The following TMEM245 variants were observed in gnomAD, a reference collection of about 807,000 sequenced individuals.
TMEM245 encodes the protein protein CG-2.
In TMEM245, 69 loss-of-function variants were observed where a neutral mutation model predicts 101.2. The observed-to-expected ratio is 0.68, with a 90% CI of 0.56 to 0.83. The LOEUF is 0.83. TMEM245 is among the 40% of genes least tolerant of loss of function. The pLI is 0.00. For missense variants in TMEM245, 1,075 were observed against 1,092.8 expected, an observed-to-expected ratio of 0.98 and a Z score of 0.23; for synonymous variants, 537 against 449.8, an observed-to-expected ratio of 1.19 and a Z score of -2.45.
At chr9:109,024,845 A>G (rs17802292) in intron 17 of TMEM245, among the ~76,000 whole-genome samples, 22,660 of 152,258 alleles carry the variant, frequency 0.15, 1,902 homozygotes, top group African/African-American at 0.19. Flanking sequence ...GGGCAAATTA[A>G]TGTGTTAGCT....
In TMEM245 at chr9:109,057,349, A is replaced by T. The variant is rs201902789; in HGVS notation, c.1723-27T>A. 57 of 1,597,746 alleles carry T rather than the reference A, an allele frequency of 3.6e-5. No homozygotes were observed. The Admixed American group carries it at 5.7e-4, about 16-fold the overall frequency. ...TATGGAATAAAACAGTGCAGACATGAAATTCCCATCTTAATCTAAAGAACA... is the reference window on the plus strand; with the variant it reads ...TATGGAATAAAACAGTGCAGACATGTAATTCCCATCTTAATCTAAAGAACA... On this transcript the variant is annotated intron_variant, in intron 11 of 17. Coordinates refer to ENST00000374586, the MANE Select transcript of TMEM245 (RefSeq NM_032012.4).
intron 17 of TMEM245, among the ~76,000 whole-genome samples, chr9:109,031,364 A>G (rs1399666762): frequency 6.6e-6 from 1 of 152,256 alleles, no homozygotes; most frequent in Non-Finnish European, 1.5e-5. Context: ...AATATCTATT[A>G]GTCCTACAAT....
At chr9:109,025,175 T>C (rs1431471519) in intron 17 of TMEM245, among the ~76,000 whole-genome samples, 1 of 152,220 alleles carries the variant, frequency 6.6e-6, no homozygotes, top group Non-Finnish European at 1.5e-5. Flanking sequence ...CCAAGTGAAA[T>C]TCTTAGGGTT....
Position 109,053,989 on chromosome 9 carries a change from G to A in TMEM245, c.1854+3202C>T, listed in dbSNP as rs77631041. Among the ~76,000 whole-genome samples, 45 of 152,242 alleles carry A rather than the reference G, an allele frequency of 3.0e-4. No homozygotes were observed. In the East Asian group the frequency reaches 4.0e-3, roughly 14 times the overall value. ...CTTTAAAGGAAGGGACATGAGTCACGTGACCTCAAAACGCCATTTCAACAC... is the reference window on the plus strand; with the variant it reads ...CTTTAAAGGAAGGGACATGAGTCACATGACCTCAAAACGCCATTTCAACAC... On this transcript the variant is annotated intron_variant, in intron 12 of 17. Coordinates refer to ENST00000374586, the MANE Select transcript of TMEM245 (RefSeq NM_032012.4).
At chr9:109,038,396 C>T (rs556817826) in intron 14 of TMEM245, 12 of 231,200 alleles carry the variant, frequency 5.2e-5, no homozygotes, top group Non-Finnish European at 1.0e-4. Context: ...CCTTAAAATA[C>T]CCTATTCTCT....
Position 109,033,318 on chromosome 9 carries a change from A to G in TMEM245, c.2583T>C (p.Ala861=). ...VPTPNQTPWP[A]QPQRTFRDIS... is the part of the protein sequence containing the mutation. ...CTGCTTTAACTCACCGCTGAGGCTG[A>G]GCAGGCCATGGGGTCTGGTTTGGCG... Residue 861 remains alanine, a synonymous_variant, in exon 17 of 18, where the codon GCT becomes GCC. Coordinates refer to ENST00000374586, the MANE Select transcript of TMEM245 (RefSeq NM_032012.4). The G allele has an allele frequency of 6.2e-7, 1 of 1,609,210 alleles. No homozygotes were observed. The highest frequency in any genetic ancestry group is 1.1e-5 in the South Asian group (1 of 90,128).
chr9:109,107,798 C>A (rs1422475139), intron 2 of TMEM245, among the ~76,000 whole-genome samples: 1 of 152,096 alleles, frequency 6.6e-6, no homozygotes, highest in Non-Finnish European at 1.5e-5. Flanking sequence ...ACCATAAGTA[C>A]CACGCTGAAA....
intron 9 of TMEM245, among the ~76,000 whole-genome samples, chr9:109,067,567 G>C (rs1427760515): frequency 6.6e-6 from 1 of 152,158 alleles, no homozygotes. Flanking sequence ...GTAAGCGAAG[G>C]GATAAGTGCA....
chr9:109,069,813 A>T (rs1015170173), intron 9 of TMEM245, among the ~76,000 whole-genome samples: 1 of 152,236 alleles, frequency 6.6e-6, no homozygotes, highest in Non-Finnish European at 1.5e-5. Flanking sequence ...CAAACTTGGG[A>T]AAGAGCAGTC....
chr9:109,044,918 C>T (rs1828437654), intron 14 of TMEM245, among the ~76,000 whole-genome samples: 1 of 151,996 alleles, frequency 6.6e-6, no homozygotes, highest in African/African-American at 2.4e-5. Context: ...TGCCACCAAG[C>T]CCAGCTAATT....
At position 109,017,696 on chromosome 9, in the gene TMEM245, C is replaced by G. The variant is rs1564161972; in HGVS notation, c.*2764G>C. On this transcript the variant is annotated 3_prime_UTR_variant, in exon 18 of 18. Coordinates refer to ENST00000374586, the MANE Select transcript of TMEM245 (RefSeq NM_032012.4). ...GACTTCTACTTCATCAACGTACGGT[C>G]TGTTCCTGAAGAAACTTCCTCTTTC... is the stretch of plus-strand genomic sequence containing the variant. The G allele has an allele frequency of 6.6e-6, 1 of 152,228 alleles. No homozygotes were observed. Among genetic ancestry groups the G allele is most frequent in the Non-Finnish European group, 1.5e-5 (1 of 68,044 alleles). 9.4% of individuals were successfully genotyped at this position (152,228 alleles called of 1,614,324 possible).
At chr9:109,116,718 G>A (rs1228771129) in intron 1 of TMEM245, among the ~76,000 whole-genome samples, 1 of 151,554 alleles carries the variant, frequency 6.6e-6, no homozygotes, top group African/African-American at 2.4e-5. Flanking sequence ...AGTAGAGACG[G>A]GGTTTTACCA....
intron 7 of TMEM245, among the ~76,000 whole-genome samples, chr9:109,083,642 G>A (rs1254273175): frequency 6.6e-6 from 1 of 151,978 alleles, no homozygotes; most frequent in Non-Finnish European, 1.5e-5. Flanking sequence ...AAGCTATTAA[G>A]AAAGTATTCC....
At chr9:109,049,612 A>AG (rs1322184813) in intron 14 of TMEM245, among the ~76,000 whole-genome samples, 3 of 152,142 alleles carry the variant, frequency 2.0e-5, no homozygotes, top group African/African-American at 7.2e-5. Context: ...AGATCACTTA[A>AG]GGTTAGGAGT....
chr9:109,117,498 T>C (rs1395455029), intron 1 of TMEM245, among the ~76,000 whole-genome samples: 1 of 152,212 alleles, frequency 6.6e-6, no homozygotes, highest in Non-Finnish European at 1.5e-5. Flanking sequence ...TGGCCCCTAC[T>C]TCTCTTCCAC....
rs547531889 is a variant in TMEM245, at chr9:109,015,732, AG to A, written c.*4727del. On this transcript the variant is annotated 3_prime_UTR_variant, in exon 18 of 18. Coordinates refer to ENST00000374586, the MANE Select transcript of TMEM245 (RefSeq NM_032012.4). ...ACCAAAAACTTTTCAGAGCCTCCAGAGCCCCCCCATCTGTACAATAAGGATA... is the reference window on the plus strand; with the variant it reads ...ACCAAAAACTTTTCAGAGCCTCCAGACCCCCCCATCTGTACAATAAGGATA... 9.8e-4 allele frequency: 149 copies of A among 152,728 alleles called. No homozygotes were observed. Among genetic ancestry groups the A allele is most frequent in the African/African-American group, 3.4e-3 (141 of 41,566 alleles). The allele number at this position is 152,728 out of a possible 1,614,324, so 9.5% of individuals were successfully genotyped here. A position where few individuals can be genotyped will look rare whatever the true frequency, so the allele number is the denominator to read the frequency against.
chr9:109,025,640 C>T (rs1827770092), intron 17 of TMEM245, among the ~76,000 whole-genome samples: 1 of 152,190 alleles, frequency 6.6e-6, no homozygotes, highest in South Asian at 2.1e-4. Context: ...TATTCAGAGA[C>T]TGCTGCTCAA....
intron 3 of TMEM245, among the ~76,000 whole-genome samples, chr9:109,100,025 C>G (rs1281902959): frequency 1.3e-5 from 2 of 152,182 alleles, no homozygotes; most frequent in African/African-American, 2.4e-5. Flanking sequence ...CAATAAATTT[C>G]TGTTCATTGT....
At position 109,047,417 on chromosome 9, in the gene TMEM245, A is replaced by T. The variant is rs1247004789; in HGVS notation, c.2123+2866T>A. Among the ~76,000 whole-genome samples the T allele has an allele frequency of 2.0e-5, 3 of 152,170 alleles. No homozygotes were observed. In the East Asian group the frequency reaches 5.8e-4, roughly 29 times the overall value. On this transcript the variant is annotated intron_variant, in intron 14 of 17. Transcript: ENST00000374586. The stretch of plus-strand genomic sequence containing the variant: ...CCAAAGACCTGAATTTCTAAATGCC[A>T]CCCTCTTATGTCCACAAATATAAGT...
Sources: gnomAD v4.1 joint callset for allele counts (sites outside exome capture counted in the v4.1 genomes callset) on GRCh38, gnomAD v4.1.1 for gene constraint, MANE v1.5 for transcripts, NCBI Gene and HGNC (gene_info 2026-07-23, HGNC 2026-07-21) for gene names.